Variants in ARPP21 observed in about 807,000 individuals in gnomAD.
ARPP21 encodes the protein cAMP-regulated phosphoprotein 21.
Under a neutral mutation model 113.2 loss-of-function variants are expected in ARPP21, and 69 were observed. The observed-to-expected ratio is 0.61, with a 90% CI of 0.50 to 0.74. The LOEUF (loss-of-function observed/expected upper bound fraction) is 0.74. Among genes scored for constraint, ARPP21 ranks in the 30% least tolerant of loss-of-function variants. ARPP21 has a pLI of 0.00. For missense variants in ARPP21, 1,070 were observed against 1,037.4 expected, an observed-to-expected ratio of 1.03 and a Z score of -0.43; for synonymous variants, 368 against 375.5, an observed-to-expected ratio of 0.98 and a Z score of 0.23.
chr3:35,761,085 A>G (rs1431401273), intron 19 of ARPP21, among the ~76,000 whole-genome samples: 1 of 152,126 alleles, frequency 6.6e-6, no homozygotes, highest in Non-Finnish European at 1.5e-5. Flanking sequence ...CCCTAAAGCT[A>G]ATCTACTTTG....
chr3:35,676,314 T>C (rs922771790), intron 1 of ARPP21, among the ~76,000 whole-genome samples: 18 of 151,886 alleles, frequency 1.2e-4, no homozygotes, highest in African/African-American at 4.4e-4. Flanking sequence ...ATGTTGATCT[T>C]GGTTATGTTT....
At chr3:35,756,488 A>T (rs561288288) in intron 19 of ARPP21, among the ~76,000 whole-genome samples, 1 of 151,896 alleles carries the variant, frequency 6.6e-6, no homozygotes, top group Admixed American at 6.6e-5. Context: ...GACCTTCCCC[A>T]TGCTTTCATT....
chr3:35,726,781 C>T (rs1318269762), intron 14 of ARPP21, among the ~76,000 whole-genome samples: 3 of 152,188 alleles, frequency 2.0e-5, no homozygotes, highest in African/African-American at 7.2e-5. Context: ...GGACGTGCTC[C>T]CTTGGCCCCA....
At chr3:35,729,653 C>T in intron 15 of ARPP21, 117 bp downstream of exon 15, 1 of 862,842 alleles carries the variant, frequency 1.2e-6, no homozygotes, top group South Asian at 1.6e-5. Context: ...AAGCTAGTTG[C>T]ATGAACTGTT....
At chr3:35,720,281 G>A (rs757326672) in intron 13 of ARPP21, among the ~76,000 whole-genome samples, 5 of 152,076 alleles carry the variant, frequency 3.3e-5, no homozygotes, top group Non-Finnish European at 7.4e-5. Context: ...TCACAAATCA[G>A]TTATTTCATT....
Position 35,729,122 on chromosome 3 carries a change from G to T in ARPP21, c.1226-181G>T, listed in dbSNP as rs78631596. Among the ~76,000 whole-genome samples, 122 of 152,200 alleles carry T rather than the reference G, an allele frequency of 8.0e-4. 1 individual carries two copies. The highest frequency in any genetic ancestry group is 2.1e-3 in the African/African-American group (87 of 41,516). On this transcript the variant is annotated intron_variant, in intron 14 of 20. Coordinates refer to ENST00000684406, the MANE Select transcript of ARPP21 (RefSeq NM_001385562.1). ...AATTGACACACTTGAAAAATAAGTA[G>T]CAAATATTTCAATAAAATATGAGGC...
chr3:35,690,725 G>A (rs1001947417), intron 8 of ARPP21, 140 bp from the exon 9 acceptor site: 9 of 716,500 alleles, frequency 1.3e-5, no homozygotes, highest in African/African-American at 7.4e-5. Flanking sequence ...CTAGAAATTA[G>A]GACATTAAGT....
chr3:35,684,551 T>C (rs1029753884), intron 5 of ARPP21: 47 of 985,502 alleles, frequency 4.8e-5, no homozygotes, highest in Non-Finnish European at 5.4e-5. Context: ...AAAATGGTCT[T>C]GCTGCTGAAA....
intron 11 of ARPP21, among the ~76,000 whole-genome samples, chr3:35,709,685 A>G (rs1461349819): frequency 2.0e-5 from 3 of 152,204 alleles, no homozygotes; most frequent in Admixed American, 2.0e-4. Flanking sequence ...ATAAAATGCA[A>G]TTAATTAAAC....
Position 35,734,610 on chromosome 3 carries a change from T to C in ARPP21, c.1460-2568T>C, listed in dbSNP as rs147889523. 6.3e-3 allele frequency among the ~76,000 whole-genome samples: 955 copies of C among 152,300 alleles called. 9 individuals are homozygous for C. The highest frequency in any genetic ancestry group is 0.011 in the Non-Finnish European group (756 of 68,018). ...TTTCTGAATATGCAACATTCAAAGT[T>C]TCTTGTTACTAACACACAAATATAT... is the stretch of plus-strand genomic sequence containing the variant. On this transcript the variant is annotated intron_variant, in intron 15 of 20. Transcript: ENST00000684406.
At chr3:35,738,115 A>G (rs935802644) in intron 16 of ARPP21, 99 bp from the exon 17 acceptor site, 24 of 735,540 alleles carry the variant, frequency 3.3e-5, no homozygotes, top group Non-Finnish European at 5.3e-5. Flanking sequence ...TCTGGAGTGC[A>G]CTGAACCTAG....
intron 19 of ARPP21, among the ~76,000 whole-genome samples, chr3:35,778,642 A>G (rs2096447765): frequency 1.3e-5 from 2 of 152,082 alleles, no homozygotes; most frequent in Admixed American, 1.3e-4. Flanking sequence ...CAATTGAATC[A>G]TTTCAGTGGA....
rs1271693894 is a variant in ARPP21, at chr3:35,788,200, T to C, written c.2138-4182T>C. 2.0e-5 allele frequency among the ~76,000 whole-genome samples: 3 copies of C among 152,200 alleles called. No individual in the cohort carries two copies. In the East Asian group the frequency reaches 5.8e-4, roughly 29 times the overall value. On this transcript the variant is annotated intron_variant, in intron 19 of 20. Coordinates refer to ENST00000684406, the MANE Select transcript of ARPP21 (RefSeq NM_001385562.1). ...CAGCTAAAGACAGGGCTTTTCTGGATAAGCAATTTTCTTCTTCATATTCTT... is the reference window on the plus strand; with the variant it reads ...CAGCTAAAGACAGGGCTTTTCTGGACAAGCAATTTTCTTCTTCATATTCTT...
rs1250551165 is a variant in ARPP21 at position 35,681,802 on chromosome 3, T to C, written c.51T>C (p.Thr17=). The change falls in exon 3 of 21, where the codon ACT becomes ACC. Residue 17 remains threonine, a synonymous_variant. Coordinates refer to ENST00000684406, the MANE Select transcript of ARPP21 (RefSeq NM_001385562.1). ...LNQAIAEEGG[T]EQETATPENG... is the part of the protein sequence containing the mutation. ...AGGCAATAGCAGAGGAAGGAGGGAC[T>C]GAGCAGGAGACGGCCACTCCAGAGA... 5.0e-6 allele frequency: 8 copies of C among 1,611,848 alleles called. No individual in the cohort carries two copies. Among genetic ancestry groups the C allele is most frequent in the East Asian group, 2.2e-5 (1 of 44,764 alleles).
intron 15 of ARPP21, among the ~76,000 whole-genome samples, chr3:35,729,803 C>T (rs1316108089): frequency 3.3e-5 from 5 of 152,114 alleles, no homozygotes; most frequent in Admixed American, 3.3e-4. Flanking sequence ...TTTTCTTTTA[C>T]TATGGTGTCT....
chr3:35,752,815 A>C (rs2095445460), intron 19 of ARPP21, among the ~76,000 whole-genome samples: 1 of 152,046 alleles, frequency 6.6e-6, no homozygotes, highest in Non-Finnish European at 1.5e-5. Context: ...GACCTACCCA[A>C]ATTCATTATT....
At chr3:35,674,855 A>AGGAGAAAAGATAGCGGTCC (rs2077104631) in intron 1 of ARPP21, among the ~76,000 whole-genome samples, 1 of 151,926 alleles carries the variant, frequency 6.6e-6, no homozygotes, top group Non-Finnish European at 1.5e-5. Context: ...CTCGTTCACA[A>AGGAGAAAAGATAGCGGTCC]GGAGAAAAGA....
chr3:35,657,127 G>A (rs1705341297), intron 1 of ARPP21, among the ~76,000 whole-genome samples: 1 of 151,926 alleles, frequency 6.6e-6, no homozygotes, highest in East Asian at 1.9e-4. Flanking sequence ...ATCCTTTCCT[G>A]TAAACTTTGC....
intron 1 of ARPP21, among the ~76,000 whole-genome samples, chr3:35,646,305 A>T (rs769461223): frequency 1.3e-5 from 2 of 152,162 alleles, no homozygotes; most frequent in East Asian, 3.8e-4. Context: ...AAGTTCTAAC[A>T]TAGAGAGATA....
Sources: allele counts gnomAD v4.1 joint callset (sites outside exome capture counted in the v4.1 genomes callset), GRCh38; gene constraint gnomAD v4.1.1; transcripts MANE v1.5; gene names NCBI Gene and HGNC (gene_info 2026-07-23, HGNC 2026-07-21).